The following ARHGEF38 variants were observed in gnomAD, a reference collection of about 807,000 sequenced individuals.
ARHGEF38 encodes Rho guanine nucleotide exchange factor 38.
ARHGEF38 carries 79 observed loss-of-function variants against 79.9 expected under a neutral mutation model. That is an observed-to-expected ratio of 0.99 (90% CI 0.82 to 1.19). ARHGEF38 has a LOEUF of 1.19. ARHGEF38 is among the 50% of genes most tolerant of loss of function. ARHGEF38 has a pLI of 0.00. For synonymous variants in ARHGEF38, 366 were observed against 328.3 expected, an observed-to-expected ratio of 1.11 and a Z score of -1.24; for missense variants, 962 against 907.2, an observed-to-expected ratio of 1.06 and a Z score of -0.78.
chr4:105,560,711 T>C (rs530053455), intron 1 of ARHGEF38, among the ~76,000 whole-genome samples: 1 of 152,320 alleles, frequency 6.6e-6, no homozygotes, highest in South Asian at 2.1e-4. Context: ...GAGGATGCAA[T>C]CTTAGACTGA....
At chr4:105,631,232 G>C in intron 4 of ARHGEF38, 187 bp downstream of exon 4, 1 of 1,247,022 alleles carries the variant, frequency 8.0e-7, no homozygotes, top group Non-Finnish European at 1.0e-6. Context: ...TTTTCCCCCT[G>C]CGAGAATGAC....
At chr4:105,669,069 A>G (rs1055734140) in intron 13 of ARHGEF38, among the ~76,000 whole-genome samples, 4 of 152,068 alleles carry the variant, frequency 2.6e-5, no homozygotes, top group African/African-American at 4.8e-5. Context: ...AATAATAATA[A>G]AAGTAATGGT....
At chr4:105,560,945 A>G (rs951142476) in intron 1 of ARHGEF38, among the ~76,000 whole-genome samples, 2 of 152,196 alleles carry the variant, frequency 1.3e-5, no homozygotes, top group East Asian at 1.9e-4. Context: ...ATTTTATTCA[A>G]TGGAAAGCTG....
chr4:105,616,577 C>T (rs1056590539), intron 3 of ARHGEF38, among the ~76,000 whole-genome samples: 8 of 152,128 alleles, frequency 5.3e-5, no homozygotes, highest in African/African-American at 1.9e-4. Context: ...AATCACCTCC[C>T]ACCAGGCCCC....
chr4:105,569,166 G>A (rs1726093909), intron 1 of ARHGEF38, among the ~76,000 whole-genome samples: 1 of 152,188 alleles, frequency 6.6e-6, no homozygotes, highest in African/African-American at 2.4e-5. Context: ...CATTAAACTT[G>A]TTTGAGAAGC....
chr4:105,555,263 A>G (rs868657741), intron 1 of ARHGEF38, among the ~76,000 whole-genome samples: 1 of 152,182 alleles, frequency 6.6e-6, no homozygotes, highest in African/African-American at 2.4e-5. Flanking sequence ...GGAGCACATA[A>G]GCCATAAAGA....
At chr4:105,654,737 G>C (rs529853771) in intron 8 of ARHGEF38, among the ~76,000 whole-genome samples, 14 of 152,046 alleles carry the variant, frequency 9.2e-5, no homozygotes, top group Non-Finnish European at 1.9e-4. Flanking sequence ...GATTATGCTC[G>C]GTAGAAAAAC....
At position 105,630,878 on chromosome 4, in the gene ARHGEF38, C is replaced by A; in HGVS notation, c.509-20C>A. 6.3e-7 allele frequency: 1 copy of A among 1,582,974 alleles called. No individual in the cohort carries two copies. The highest frequency in any genetic ancestry group is 8.6e-7 in the Non-Finnish European group (1 of 1,167,182). ...GCTTTGTCTGATGATGTCATTTTGC[C>A]TTTGTTTTGCATTTATCAGGAGAAG... On this transcript the variant is annotated intron_variant, in intron 3 of 13. Coordinates refer to ENST00000420470, the MANE Select transcript of ARHGEF38 (RefSeq NM_001242729.2).
intron 13 of ARHGEF38, among the ~76,000 whole-genome samples, chr4:105,676,297 C>A (rs768976101): frequency 2.6e-5 from 4 of 152,096 alleles, no homozygotes; most frequent in Non-Finnish European, 5.9e-5. Flanking sequence ...CATATTCATG[C>A]CTTTTGTCAG....
At chr4:105,554,622 G>T (rs1022398093) in intron 1 of ARHGEF38, among the ~76,000 whole-genome samples, 14 of 152,068 alleles carry the variant, frequency 9.2e-5, no homozygotes, top group Non-Finnish European at 2.9e-5. Flanking sequence ...TCTAAACCTG[G>T]TTCTTCAACT....
intron 1 of ARHGEF38, among the ~76,000 whole-genome samples, chr4:105,565,997 T>C (rs915673392): frequency 1.3e-5 from 2 of 152,186 alleles, no homozygotes; most frequent in African/African-American, 4.8e-5. Flanking sequence ...GGACTGTCCA[T>C]GCGAAGAGCC....
intron 11 of ARHGEF38, among the ~76,000 whole-genome samples, 174 bp from the exon 12 acceptor site, chr4:105,666,955 A>T (rs1730772888): frequency 6.6e-6 from 1 of 152,038 alleles, no homozygotes; most frequent in South Asian, 2.1e-4. Context: ...TCCCTGAATA[A>T]CTCAGCTGGG....
intron 3 of ARHGEF38, among the ~76,000 whole-genome samples, chr4:105,630,372 C>T (rs1413701506): frequency 2.0e-5 from 3 of 151,968 alleles, no homozygotes; most frequent in East Asian, 1.9e-4. Flanking sequence ...CTCAGCCTCC[C>T]GAGTAGCTGG....
chr4:105,603,039 A>G (rs562353524), intron 2 of ARHGEF38, among the ~76,000 whole-genome samples: 7 of 152,236 alleles, frequency 4.6e-5, no homozygotes, highest in African/African-American at 1.4e-4. Context: ...TGGCAGTCCC[A>G]TCATTTTACA....
rs747771675 is a variant in ARHGEF38 at position 105,661,926 on chromosome 4, C to T, written c.1545+2561C>T. Among the ~76,000 whole-genome samples the T allele has an allele frequency of 5.9e-5, 9 of 151,796 alleles. 1 individual carries two copies. In the South Asian group the frequency reaches 8.3e-4, roughly 14 times the overall value. On this transcript the variant is annotated intron_variant, in intron 10 of 13. Transcript: ENST00000420470. ...AACGTTTTTTTATTACAAATAATGC[C>T]GGGGTCATGATACGTGGACAGATGT...
intron 4 of ARHGEF38, among the ~76,000 whole-genome samples, chr4:105,631,940 A>T (rs1353576546): frequency 6.6e-6 from 1 of 152,080 alleles, no homozygotes; most frequent in Non-Finnish European, 1.5e-5. Context: ...AACCACAGAG[A>T]GCTGTGGTGT....
intron 6 of ARHGEF38, among the ~76,000 whole-genome samples, chr4:105,647,155 A>G (rs28585686): frequency 0.011 from 1,679 of 152,240 alleles, 37 homozygotes; most frequent in African/African-American, 0.038. Flanking sequence ...GTTTGCTTAA[A>G]CTATTTCAAA....
At chr4:105,648,812 T>G in intron 7 of ARHGEF38, 130 bp downstream of exon 7, 23 of 857,306 alleles carry the variant, frequency 2.7e-5, no homozygotes, top group Admixed American at 3.3e-5. Context: ...TGCTGTTCTC[T>G]TGTCTCCCTC....
At chr4:105,559,620 T>C (rs931059184) in intron 1 of ARHGEF38, among the ~76,000 whole-genome samples, 1 of 152,118 alleles carries the variant, frequency 6.6e-6, no homozygotes, top group African/African-American at 2.4e-5. Context: ...AATATATTTA[T>C]CAAGACAGAA....
Sources: gnomAD v4.1 joint callset for allele counts (sites outside exome capture counted in the v4.1 genomes callset) on GRCh38, gnomAD v4.1.1 for gene constraint, MANE v1.5 for transcripts, NCBI Gene and HGNC (gene_info 2026-07-23, HGNC 2026-07-21) for gene names.